The following CASP6 variants were observed in gnomAD, a reference collection of about 807,000 sequenced individuals.
CASP6 encodes caspase 6.
In CASP6, 20 loss-of-function variants were observed where a neutral mutation model predicts 31.8. That is an observed-to-expected ratio of 0.63 (90% CI 0.44 to 0.91). The LOEUF is 0.91. Among genes scored for constraint, CASP6 ranks in the 40% least tolerant of loss-of-function variants. The pLI is 0.00. For missense variants in CASP6, 328 were observed against 361.1 expected (o/e 0.91, Z 0.74); for synonymous variants, 130 against 127.8 (o/e 1.02, Z -0.12).
chr4:109,678,686 C>G, the CASP6 span, among the ~76,000 whole-genome samples: 13 of 143,358 alleles, frequency 9.1e-5, no homozygotes, highest in African/African-American at 3.6e-4. Flanking sequence ...CAGGCAGAGG[C>G]ACTCCCCACT....
At chr4:109,709,058 A>G in the CASP6 span, among the ~76,000 whole-genome samples, 2 of 152,224 alleles carry the variant, frequency 1.3e-5, no homozygotes, top group Non-Finnish European at 2.9e-5. Flanking sequence ...AATCTATTCC[A>G]GAGTTTTTGA....
At chr4:109,668,956 TC>T in the CASP6 span, among the ~76,000 whole-genome samples, 1 of 152,134 alleles carries the variant, frequency 6.6e-6, no homozygotes, top group Admixed American at 6.5e-5. Context: ...GCCCCTTGTC[TC>T]ACGGCTGTCA....
chr4:109,684,902 C>A, downstream of CASP6: 1 of 396,372 alleles, frequency 2.5e-6, no homozygotes, highest in Non-Finnish European at 4.5e-6. Flanking sequence ...TCTCTGTGCC[C>A]TCATTTATAA....
upstream of CASP6, among the ~76,000 whole-genome samples, chr4:109,707,093 G>T (rs1203122172): frequency 6.6e-6 from 1 of 152,030 alleles, no homozygotes; most frequent in African/African-American, 2.4e-5. Context: ...TTAAAATTAA[G>T]GTATATACAT....
chr4:109,687,222 G>A (rs1406501085), downstream of CASP6, among the ~76,000 whole-genome samples: 1 of 152,078 alleles, frequency 6.6e-6, no homozygotes, highest in African/African-American at 2.4e-5. Context: ...AGGTGGGCAT[G>A]GTGGTGGGCA....
chr4:109,707,313 G>T (rs140363859), upstream of CASP6, among the ~76,000 whole-genome samples: 1 of 152,084 alleles, frequency 6.6e-6, no homozygotes, highest in East Asian at 1.9e-4. Flanking sequence ...TACTTTGTAG[G>T]ACTTGCAGTA....
the CASP6 span, among the ~76,000 whole-genome samples, chr4:109,673,389 A>T: frequency 2.6e-5 from 4 of 151,180 alleles, no homozygotes. Context: ...TCATTAGAAA[A>T]CCCCTCTTGC....
At chr4:109,668,036 C>T in the CASP6 span, among the ~76,000 whole-genome samples, 2 of 151,774 alleles carry the variant, frequency 1.3e-5, no homozygotes, top group Non-Finnish European at 2.9e-5. Flanking sequence ...TACATTTACT[C>T]ATGTGAGTTT....
chr4:109,688,035 T>C (rs907808379), downstream of CASP6: 1 of 154,214 alleles, frequency 6.5e-6, no homozygotes, highest in African/African-American at 2.4e-5. Flanking sequence ...ACTTCTTTTT[T>C]TAATATGCAG....
At chr4:109,694,399 G>T (rs1222763797) in intron 5 of CASP6, 126 bp downstream of exon 5, 2 of 755,802 alleles carry the variant, frequency 2.6e-6, no homozygotes, top group Admixed American at 5.8e-5. Context: ...ACTATGATTG[G>T]CCAGAATTCA....
At chr4:109,708,859 A>G in the CASP6 span, among the ~76,000 whole-genome samples, 1 of 152,220 alleles carries the variant, frequency 6.6e-6, no homozygotes, top group African/African-American at 2.4e-5. Context: ...TTTCAGAATT[A>G]CAAATGTATA....
At chr4:109,681,854 C>T in the CASP6 span, among the ~76,000 whole-genome samples, 1 of 152,240 alleles carries the variant, frequency 6.6e-6, no homozygotes, top group Non-Finnish European at 1.5e-5. Context: ...CAGTAACAAA[C>T]ACGAACCAGA....
In CASP6 at chr4:109,694,505, G is replaced by A; in HGVS notation, c.483+20C>T. ...GAATGACAGACTTTATAATTAAGAT[G>A]ATAATGTACTCAGTCTTACCTGAAT... On this transcript the variant is annotated intron_variant, in intron 5 of 6. Coordinates refer to ENST00000265164, the MANE Select transcript of CASP6 (RefSeq NM_001226.4). 6.6e-7 allele frequency: 1 copy of A among 1,517,554 alleles called. No homozygotes were observed. The highest frequency in any genetic ancestry group is 8.8e-7 in the Non-Finnish European group (1 of 1,132,020). 94.0% of individuals were successfully genotyped at this position (1,517,554 alleles called of 1,614,324 possible). A position where few individuals can be genotyped will look rare whatever the true frequency, so the allele number is the denominator to read the frequency against.
At chr4:109,671,601 A>G in the CASP6 span, among the ~76,000 whole-genome samples, 2 of 151,980 alleles carry the variant, frequency 1.3e-5, no homozygotes, top group Admixed American at 1.3e-4. Flanking sequence ...CTATCTCTCC[A>G]TTTACATTAC....
At position 109,689,279 on chromosome 4, in the gene CASP6, C is replaced by T. The variant is rs773129069; in HGVS notation, c.*51G>A. On this transcript the variant is annotated 3_prime_UTR_variant, in exon 7 of 7. Transcript: ENST00000265164. ...TACAGGTGTGAGTAACCACGCCTGGCTGAGAAAGCCATTTTCAATACAGAG... is the reference window on the plus strand; with the variant it reads ...TACAGGTGTGAGTAACCACGCCTGGTTGAGAAAGCCATTTTCAATACAGAG... 6.4e-7 allele frequency: 1 copy of T among 1,563,104 alleles called. No homozygotes were observed. Among genetic ancestry groups the T allele is most frequent in the Non-Finnish European group, 8.8e-7 (1 of 1,137,512 alleles).
chr4:109,689,813 A>AAGAT (rs1729978752), intron 6 of CASP6, among the ~76,000 whole-genome samples: 1 of 152,160 alleles, frequency 6.6e-6, no homozygotes, highest in Non-Finnish European at 1.5e-5. Context: ...AAAAATTCCC[A>AAGAT]AGATAGACAA....
chr4:109,704,348 G>A (rs181134986), upstream of CASP6, among the ~76,000 whole-genome samples: 312 of 152,308 alleles, frequency 2.0e-3, 1 homozygote, highest in Non-Finnish European at 3.3e-3. Context: ...AAAAAATTTT[G>A]AAGGAAATTA....
chr4:109,683,766 A>G (rs1729769257), downstream of CASP6, among the ~76,000 whole-genome samples: 1 of 152,178 alleles, frequency 6.6e-6, no homozygotes, highest in African/African-American at 2.4e-5. Flanking sequence ...TGAATCTGTA[A>G]TGGGTTTTGT....
intron 1 of CASP6, among the ~76,000 whole-genome samples, chr4:109,702,481 A>G (rs914789658): frequency 6.6e-6 from 1 of 151,760 alleles, no homozygotes; most frequent in Non-Finnish European, 1.5e-5. Context: ...GGCCTGGCTA[A>G]TTTTTTTGTA....
Sources: allele counts gnomAD v4.1 joint callset (sites outside exome capture counted in the v4.1 genomes callset), GRCh38; gene constraint gnomAD v4.1.1; transcripts MANE v1.5; gene names NCBI Gene and HGNC (gene_info 2026-07-23, HGNC 2026-07-21).